The following DOCK3 variants were observed in gnomAD, a reference collection of about 807,000 sequenced individuals.
The protein encoded by DOCK3 is dedicator of cytokinesis protein 3.
DOCK3 carries 60 observed loss-of-function variants against 265.6 expected under a neutral mutation model. That is an observed-to-expected ratio of 0.23 (90% CI 0.18 to 0.28). The LOEUF is 0.28. Among genes scored for constraint, DOCK3 ranks in the 10% least tolerant of loss-of-function variants. DOCK3 has a pLI of 1.00. For missense variants in DOCK3, 1,981 were observed against 2,594.3 expected, an observed-to-expected ratio of 0.76 and a Z score of 5.14; for synonymous variants, 881 against 938.0, an observed-to-expected ratio of 0.94 and a Z score of 1.11.
chr3:50,884,142 G>C (rs188526381), intron 3 of DOCK3, among the ~76,000 whole-genome samples: 1 of 150,764 alleles, frequency 6.6e-6, no homozygotes, highest in Non-Finnish European at 1.5e-5. Context: ...TCAGGCTGGA[G>C]TGCAGTGGCG....
At chr3:51,348,537 A>C (rs748273623) in intron 38 of DOCK3, among the ~76,000 whole-genome samples, 1 of 152,188 alleles carries the variant, frequency 6.6e-6, no homozygotes, top group African/African-American at 2.4e-5. Flanking sequence ...AAAAGTAAGT[A>C]ATTTTTTTAA....
At chr3:50,853,991 TTAA>T (rs1305011449) in intron 3 of DOCK3, among the ~76,000 whole-genome samples, 1 of 152,120 alleles carries the variant, frequency 6.6e-6, no homozygotes, top group African/African-American at 2.4e-5. Context: ...ATTTGACTTT[TTAA>T]TAATAGCCAT....
intron 21 of DOCK3, among the ~76,000 whole-genome samples, chr3:51,244,017 C>CT (rs1485671851): frequency 6.6e-6 from 1 of 152,138 alleles, no homozygotes; most frequent in Non-Finnish European, 1.5e-5. Context: ...GCCCCTTGAC[C>CT]ATATATGTGA....
chr3:50,939,780 TAG>T, intron 5 of DOCK3, among the ~76,000 whole-genome samples: 1 of 152,284 alleles, frequency 6.6e-6, no homozygotes, highest in East Asian at 1.9e-4. Flanking sequence ...GTAATGATGA[TAG>T]ACAGTCTGCT....
chr3:51,337,948 G>T lies in DOCK3; in HGVS notation c.3612-411G>T, dbSNP rs531987918. Among the ~76,000 whole-genome samples the T allele has an allele frequency of 8.7e-4, 133 of 152,216 alleles. 1 individual carries two copies. Among genetic ancestry groups the T allele is most frequent in the Non-Finnish European group, 1.1e-3 (77 of 68,038 alleles). ...GCCCTGAAGCTAGGGCCCTGAAGTG[G>T]AGGGTCTTGGCTTCTATTCAGCACT... On this transcript the variant is annotated intron_variant, in intron 35 of 52. Transcript: ENST00000266037.
At chr3:51,033,185 G>A (rs1230313894) in intron 5 of DOCK3, among the ~76,000 whole-genome samples, 1 of 152,170 alleles carries the variant, frequency 6.6e-6, no homozygotes, top group African/African-American at 2.4e-5. Context: ...CTTATTTGAT[G>A]AGACGAATGA....
At chr3:51,250,513 C>G (rs1050269799) in intron 22 of DOCK3, among the ~76,000 whole-genome samples, 3 of 152,028 alleles carry the variant, frequency 2.0e-5, no homozygotes, top group African/African-American at 4.8e-5. Context: ...CAACTACTCA[C>G]GAGGCTGTGG....
intron 1 of DOCK3, among the ~76,000 whole-genome samples, chr3:50,728,001 TAC>T (rs911767707): frequency 1.6e-4 from 24 of 152,258 alleles, no homozygotes; most frequent in African/African-American, 5.5e-4. Flanking sequence ...CCCAACAGAG[TAC>T]ACAGTTTTCA....
chr3:50,882,841 A>G (rs897015363), intron 3 of DOCK3, among the ~76,000 whole-genome samples: 1 of 152,222 alleles, frequency 6.6e-6, no homozygotes, highest in African/African-American at 2.4e-5. Context: ...AGCACTATTC[A>G]CAATAGCAAA....
At chr3:50,987,096 A>G (rs1429094970) in intron 5 of DOCK3, among the ~76,000 whole-genome samples, 1 of 152,198 alleles carries the variant, frequency 6.6e-6, no homozygotes, top group African/African-American at 2.4e-5. Flanking sequence ...TACCTTCCCA[A>G]AGGGCCACAT....
At chr3:50,832,365 A>T (rs765372548) in intron 2 of DOCK3, among the ~76,000 whole-genome samples, 2 of 152,232 alleles carry the variant, frequency 1.3e-5, no homozygotes, top group Non-Finnish European at 2.9e-5. Context: ...GACAAATGGG[A>T]TCTAATTAAA....
chr3:51,150,226 CTCTTT>C (rs1169047513), intron 10 of DOCK3, among the ~76,000 whole-genome samples: 59 of 151,870 alleles, frequency 3.9e-4, no homozygotes, highest in Non-Finnish European at 7.1e-4. Flanking sequence ...TGTTTCTTCT[CTCTTT>C]TCTTTATTAG....
chr3:50,748,222 A>G (rs528225529), intron 1 of DOCK3, among the ~76,000 whole-genome samples: 2 of 152,180 alleles, frequency 1.3e-5, no homozygotes, highest in Admixed American at 1.3e-4. Context: ...GCCCAGGCTG[A>G]TCTTGAATTC....
rs144934479 is a variant in DOCK3 at position 50,886,994 on chromosome 3, G to A, written c.163-3032G>A. Among the ~76,000 whole-genome samples the A allele has an allele frequency of 4.3e-3, 656 of 151,668 alleles. 9 individuals are homozygous for A. The highest frequency in any genetic ancestry group is 0.014 in the African/African-American group (592 of 41,348). Reference sequence around the variant, plus strand: ...AAACACATTCAAAAGCTAGCAGAAGGCAAGAAATAACCCAAATCAGAGCAG... The same window carrying A: ...AAACACATTCAAAAGCTAGCAGAAGACAAGAAATAACCCAAATCAGAGCAG... On this transcript the variant is annotated intron_variant, in intron 3 of 52. Coordinates refer to ENST00000266037, the MANE Select transcript of DOCK3 (RefSeq NM_004947.5).
chr3:51,275,214 C>T lies in DOCK3; in HGVS notation c.2676+8C>T. The T allele has an allele frequency of 6.8e-6, 11 of 1,613,686 alleles. No homozygotes were observed. The highest frequency in any genetic ancestry group is 9.3e-6 in the Non-Finnish European group (11 of 1,179,834). Reference sequence around the variant, plus strand: ...GTCAAGACCAGCTCTCTGGTAGTGGCCCCACACCCACTCCACCCTGTTCAG... The same window carrying T: ...GTCAAGACCAGCTCTCTGGTAGTGGTCCCACACCCACTCCACCCTGTTCAG... On this transcript the variant is annotated splice_region_variant and intron_variant, in intron 25 of 52. Transcript: ENST00000266037.
rs950359918 is a variant in DOCK3 at position 50,757,137 on chromosome 3, G to A, written c.38-21538G>A. ...CAAAGTGTTGGAATTACAGGCGTGA[G>A]CCACTGTGCCCAGTCAGATTGTCGT... On this transcript the variant is annotated intron_variant, in intron 1 of 52. Coordinates refer to ENST00000266037, the MANE Select transcript of DOCK3 (RefSeq NM_004947.5). Among the ~76,000 whole-genome samples, 5 of 145,296 alleles carry A rather than the reference G, an allele frequency of 3.4e-5. No homozygotes were observed. The East Asian group carries it at 1.0e-3, about 30-fold the overall frequency.
Position 50,823,809 on chromosome 3 carries a change from C to T in DOCK3, c.122-17866C>T, listed in dbSNP as rs529093697. ...CGGGCCGGGGGGCTGACTCCCCCACCTCCCTCCCAGTAAATTGGAATTTTA... is the reference window on the plus strand; with the variant it reads ...CGGGCCGGGGGGCTGACTCCCCCACTTCCCTCCCAGTAAATTGGAATTTTA... On this transcript the variant is annotated intron_variant, in intron 2 of 52. Transcript: ENST00000266037. Among the ~76,000 whole-genome samples, 12 of 152,356 alleles carry T rather than the reference C, an allele frequency of 7.9e-5. No homozygotes were observed. The South Asian group carries it at 1.0e-3, about 13-fold the overall frequency.
intron 10 of DOCK3, 147 bp from the exon 11 acceptor site, chr3:51,159,097 T>A (rs985284676): frequency 1.7e-6 from 1 of 594,576 alleles, no homozygotes; most frequent in Non-Finnish European, 2.9e-6. Flanking sequence ...ACTGCAGACA[T>A]CTTATAAACC....
chr3:50,932,826 G>A (rs576568420), intron 4 of DOCK3, among the ~76,000 whole-genome samples: 1 of 152,258 alleles, frequency 6.6e-6, no homozygotes, highest in African/African-American at 2.4e-5. Context: ...TCTGCTCATT[G>A]TAAATTGTAT....
Sources: gnomAD v4.1 joint callset for allele counts (sites outside exome capture counted in the v4.1 genomes callset) on GRCh38, gnomAD v4.1.1 for gene constraint, MANE v1.5 for transcripts, NCBI Gene and HGNC (gene_info 2026-07-23, HGNC 2026-07-21) for gene names.